Variants in CDC42BPB observed in about 807,000 individuals in gnomAD.
The protein encoded by CDC42BPB is CDC42 binding protein kinase beta.
Under a neutral mutation model 214.9 loss-of-function variants are expected in CDC42BPB, and 37 were observed. The observed-to-expected ratio is 0.17, with a 90% CI of 0.13 to 0.23. The LOEUF (loss-of-function observed/expected upper bound fraction) is 0.23, where lower values mean the gene tolerates loss of function less well. Among genes scored for constraint, CDC42BPB ranks in the 10% least tolerant of loss-of-function variants. The pLI is 1.00. For synonymous variants in CDC42BPB, 931 were observed against 884.0 expected (o/e 1.05, Z -0.94); for missense variants, 1,694 against 2,227.0 (o/e 0.76, Z 4.82).
intron 28 of CDC42BPB, 116 bp downstream of exon 28, chr14:102,946,352 C>T: frequency 1.7e-6 from 2 of 1,146,036 alleles, no homozygotes; most frequent in Non-Finnish European, 1.2e-6. Flanking sequence ...CATGGAGAAA[C>T]TGTCTACAAA....
At chr14:103,050,964 AAAAC>A (rs1252626151) in intron 1 of CDC42BPB, among the ~76,000 whole-genome samples, 1 of 152,158 alleles carries the variant, frequency 6.6e-6, no homozygotes, top group Non-Finnish European at 1.5e-5. Context: ...ATTCCTAAGA[AAAAC>A]AAAAATCCAA....
rs761725527 is a variant in CDC42BPB, at chr14:102,954,173, C to G, written c.3066+25G>C. ...AAACAACTAAATAACTAAGAAGGCG[C>G]CCCGGGTGAAAGCAAGGCCCCTACC... On this transcript the variant is annotated intron_variant, in intron 23 of 36. Transcript: ENST00000361246. 90 of 1,477,430 alleles carry G rather than the reference C, an allele frequency of 6.1e-5. 1 individual carries two copies. In the Middle Eastern group the frequency reaches 6.9e-4, roughly 11 times the overall value. 91.5% of individuals were successfully genotyped at this position (1,477,430 alleles called of 1,614,324 possible).
intron 1 of CDC42BPB, among the ~76,000 whole-genome samples, chr14:103,025,987 G>A (rs925528196): frequency 3.9e-5 from 6 of 152,086 alleles, no homozygotes; most frequent in Non-Finnish European, 8.8e-5. Context: ...AATGGTACTG[G>A]GGTGGCTGGA....
intron 2 of CDC42BPB, among the ~76,000 whole-genome samples, chr14:103,011,762 A>C (rs772671394): frequency 2.0e-4 from 30 of 152,114 alleles, no homozygotes; most frequent in Non-Finnish European, 4.4e-4. Flanking sequence ...AAAACAAAAA[A>C]AACTACATCT....
intron 1 of CDC42BPB, among the ~76,000 whole-genome samples, chr14:103,022,798 G>C (rs976325498): frequency 6.6e-6 from 1 of 152,150 alleles, no homozygotes; most frequent in Non-Finnish European, 1.5e-5. Flanking sequence ...GCAATTGTGA[G>C]AACACAGCCA....
intron 5 of CDC42BPB, among the ~76,000 whole-genome samples, chr14:102,996,669 G>T (rs1046769738): frequency 6.6e-6 from 1 of 151,850 alleles, no homozygotes; most frequent in African/African-American, 2.4e-5. Context: ...AAAATTAGTT[G>T]GGTGTGATGG....
At chr14:103,026,022 T>TGC (rs1887032888) in intron 1 of CDC42BPB, among the ~76,000 whole-genome samples, 2 of 152,176 alleles carry the variant, frequency 1.3e-5, no homozygotes, top group Non-Finnish European at 2.9e-5. Flanking sequence ...AGAATAACTG[T>TGC]GCGCCCCTAC....
chr14:102,935,522 C>G lies in CDC42BPB; in HGVS notation c.5005-1679G>C, dbSNP rs901724073. On this transcript the variant is annotated intron_variant, in intron 36 of 36. Coordinates refer to ENST00000361246, the MANE Select transcript of CDC42BPB (RefSeq NM_006035.4). ...TGGCTGTACTAGGCCGGGTATAGTG[C>G]CTCACGCCTGTAATCCCAGCACTTT... Among the ~76,000 whole-genome samples, 5 of 152,016 alleles carry G rather than the reference C, an allele frequency of 3.3e-5. No individual in the cohort carries two copies. In the East Asian group the frequency reaches 7.7e-4, roughly 23 times the overall value.
At chr14:103,028,918 T>A (rs1478807787) in intron 1 of CDC42BPB, among the ~76,000 whole-genome samples, 1 of 152,070 alleles carries the variant, frequency 6.6e-6, no homozygotes, top group African/African-American at 2.4e-5. Context: ...ATCAGCAGAG[T>A]TGATCTGAGT....
intron 8 of CDC42BPB, 103 bp from the exon 9 acceptor site, chr14:102,978,308 A>G: frequency 1.3e-6 from 2 of 1,554,620 alleles, no homozygotes; most frequent in Middle Eastern, 1.7e-4. Context: ...ACTGGGCAGA[A>G]CATGTGGCCT....
intron 3 of CDC42BPB, 111 bp downstream of exon 3, chr14:103,008,361 C>T: frequency 1.4e-6 from 1 of 734,696 alleles, no homozygotes; most frequent in Non-Finnish European, 2.5e-6. Context: ...GTCCGGGGGG[C>T]AGGGAGGCCC....
At chr14:103,010,726 T>C (rs934769720) in intron 2 of CDC42BPB, among the ~76,000 whole-genome samples, 2 of 152,224 alleles carry the variant, frequency 1.3e-5, no homozygotes, top group African/African-American at 2.4e-5. Flanking sequence ...GCTAAGGCAC[T>C]GCACAGTTTA....
At chr14:103,024,555 A>G (rs2896463) in intron 1 of CDC42BPB, among the ~76,000 whole-genome samples, 16,935 of 152,284 alleles carry the variant, frequency 0.11, 1,104 homozygotes, top group African/African-American at 0.17. Context: ...ATTTTTAGCA[A>G]CTATTCGTAA....
chr14:102,963,728 C>G (rs1385085355), intron 19 of CDC42BPB, among the ~76,000 whole-genome samples: 1 of 152,170 alleles, frequency 6.6e-6, no homozygotes, highest in Non-Finnish European at 1.5e-5. Context: ...GACTGCCTAC[C>G]CTGTTGGGCT....
intron 6 of CDC42BPB, among the ~76,000 whole-genome samples, chr14:102,984,682 C>T (rs554319646): frequency 1.3e-5 from 2 of 152,114 alleles, no homozygotes; most frequent in South Asian, 4.2e-4. Context: ...GAGTATAGGG[C>T]CATCCTGACG....
chr14:103,031,972 TCTA>T (rs1253100432), intron 1 of CDC42BPB, among the ~76,000 whole-genome samples: 2 of 150,294 alleles, frequency 1.3e-5, no homozygotes, highest in East Asian at 3.9e-4. Context: ...AGACCTGCCT[TCTA>T]TTATTATTAT....
intron 1 of CDC42BPB, among the ~76,000 whole-genome samples, chr14:103,055,175 C>T (rs1888875419): frequency 6.6e-6 from 1 of 152,262 alleles, no homozygotes; most frequent in Admixed American, 6.5e-5. Flanking sequence ...GTAATCCCAG[C>T]ACTTTGGGAG....
At chr14:102,950,000 C>A in intron 25 of CDC42BPB, 96 bp from the exon 26 acceptor site, 1 of 1,561,672 alleles carries the variant, frequency 6.4e-7, no homozygotes, top group Admixed American at 1.8e-5. Context: ...AGCTGCCAGG[C>A]TGGCGGCAGA....
chr14:103,003,555 C>T (rs978537395), intron 4 of CDC42BPB, among the ~76,000 whole-genome samples: 7 of 152,246 alleles, frequency 4.6e-5, no homozygotes, highest in Admixed American at 2.6e-4. Context: ...GAGGCACTCC[C>T]GGACTCAGCC....
Sources: allele counts gnomAD v4.1 joint callset (sites outside exome capture counted in the v4.1 genomes callset), GRCh38; gene constraint gnomAD v4.1.1; transcripts MANE v1.5; gene names NCBI Gene and HGNC (gene_info 2026-07-23, HGNC 2026-07-21).